Variants in NSMCE1 observed in about 807,000 individuals in gnomAD.
NSMCE1 encodes NSE1 component of SMC5/6 complex.
Under a neutral mutation model 29.6 loss-of-function variants are expected in NSMCE1, and 18 were observed. The observed-to-expected ratio is 0.61, with a 90% CI of 0.42 to 0.90. The LOEUF is 0.90. Among genes scored for constraint, NSMCE1 ranks in the 40% least tolerant of loss-of-function variants. The pLI is 0.00. For missense variants in NSMCE1, 314 were observed against 343.6 expected, an observed-to-expected ratio of 0.91 and a Z score of 0.68; for synonymous variants, 124 against 133.4, an observed-to-expected ratio of 0.93 and a Z score of 0.49.
At chr16:27,238,480 A>G (rs2083852203) in intron 2 of NSMCE1, among the ~76,000 whole-genome samples, 1 of 151,262 alleles carries the variant, frequency 6.6e-6, no homozygotes. Context: ...GACAGGAGTC[A>G]GCTGGTGACA....
intron 2 of NSMCE1, among the ~76,000 whole-genome samples, chr16:27,251,159 A>AATATATATATATATATATATATATATAT (rs1166070119): frequency 1.7e-4 from 11 of 65,774 alleles, no homozygotes; most frequent in Non-Finnish European, 2.6e-4. Context: ...AATTATTTAA[A>AATATATATATATATATATATATATATAT]ATATATATAT....
chr16:27,261,224 T>TA (rs1350403867), intron 1 of NSMCE1, among the ~76,000 whole-genome samples: 1 of 127,038 alleles, frequency 7.9e-6, no homozygotes, highest in Non-Finnish European at 1.7e-5. Flanking sequence ...CAAAGAAAGG[T>TA]AAAATGAGAA....
intron 5 of NSMCE1, among the ~76,000 whole-genome samples, chr16:27,228,256 G>A (rs2083723886): frequency 6.6e-6 from 1 of 152,186 alleles, no homozygotes; most frequent in African/African-American, 2.4e-5. Context: ...GCGTGGGGTT[G>A]GGGCATGGAC....
intron 2 of NSMCE1, among the ~76,000 whole-genome samples, chr16:27,251,083 T>C (rs1429992652): frequency 6.8e-6 from 1 of 146,980 alleles, no homozygotes; most frequent in African/African-American, 2.5e-5. Context: ...TCAGGTGATC[T>C]GCCCACCTCA....
At chr16:27,245,959 A>G (rs2083952197) in intron 2 of NSMCE1, among the ~76,000 whole-genome samples, 1 of 152,210 alleles carries the variant, frequency 6.6e-6, no homozygotes, top group Non-Finnish European at 1.5e-5. Flanking sequence ...AGGACTACAG[A>G]CAGGATGGAA....
intron 1 of NSMCE1, among the ~76,000 whole-genome samples, chr16:27,262,291 G>A (rs531242073): frequency 6.6e-5 from 10 of 150,816 alleles, no homozygotes; most frequent in Non-Finnish European, 1.2e-4. Context: ...AGCCTGAATA[G>A]CGAAAGCAAT....
chr16:27,266,298 C>T (rs1420137357), intron 1 of NSMCE1: 1 of 151,978 alleles, frequency 6.6e-6, no homozygotes, highest in Non-Finnish European at 1.5e-5. Context: ...GGATTGAATG[C>T]TATAATTTGG....
intron 1 of NSMCE1, among the ~76,000 whole-genome samples, chr16:27,264,202 A>G (rs1164894710): frequency 6.6e-6 from 1 of 152,002 alleles, no homozygotes; most frequent in African/African-American, 2.4e-5. Context: ...TGTCTCTACT[A>G]AAAACAAAAA....
chr16:27,243,729 T>C (rs974725904), intron 2 of NSMCE1, among the ~76,000 whole-genome samples: 3 of 152,188 alleles, frequency 2.0e-5, no homozygotes, highest in Non-Finnish European at 4.4e-5. Context: ...TAGCTCACTA[T>C]AGCCTTGAAC....
intron 4 of NSMCE1, 72 bp downstream of exon 4, chr16:27,234,116 A>G: frequency 1.0e-6 from 1 of 974,234 alleles, no homozygotes; most frequent in Non-Finnish European, 1.7e-6. Flanking sequence ...TGCAGTTGCC[A>G]CTGCTAATGA....
chr16:27,234,386 C>A, intron 3 of NSMCE1, 121 bp from the exon 4 acceptor site: 1 of 738,208 alleles, frequency 1.4e-6, no homozygotes, highest in Admixed American at 1.9e-5. Context: ...TGTATCCAGG[C>A]ACTGCGGGCC....
intron 2 of NSMCE1, among the ~76,000 whole-genome samples, chr16:27,250,775 T>G (rs2084018277): frequency 6.6e-6 from 1 of 151,680 alleles, no homozygotes; most frequent in Admixed American, 6.6e-5. Context: ...CCTGGGAGGC[T>G]TTTTTGAGAC....
chr16:27,257,388 AT>A (rs1260587736), intron 2 of NSMCE1, 46 bp downstream of exon 2: 2 of 1,545,358 alleles, frequency 1.3e-6, no homozygotes, highest in South Asian at 2.4e-5. Flanking sequence ...CTGGTCCCTG[AT>A]CAACACAGCA....
chr16:27,265,261 G>A (rs370015684), intron 1 of NSMCE1, among the ~76,000 whole-genome samples: 1 of 139,668 alleles, frequency 7.2e-6, no homozygotes, highest in African/African-American at 2.6e-5. Flanking sequence ...TTGACCTTGT[G>A]GGCTCAATCG....
chr16:27,226,973 ACGGGCATCAGCCAC>A, intron 5 of NSMCE1, 137 bp from the exon 6 acceptor site: 1 of 642,170 alleles, frequency 1.6e-6, no homozygotes. Flanking sequence ...ACCCCAGCCA[ACGGGCATCAGCCAC>A]ATCCCCCTGG....
intron 1 of NSMCE1, among the ~76,000 whole-genome samples, chr16:27,263,162 A>T (rs974454905): frequency 2.0e-5 from 3 of 152,234 alleles, no homozygotes; most frequent in African/African-American, 7.2e-5. Flanking sequence ...CTAAAAGCAG[A>T]ACTACCATTT....
At chr16:27,229,454 A>G (rs961362159) in intron 5 of NSMCE1, among the ~76,000 whole-genome samples, 2 of 152,238 alleles carry the variant, frequency 1.3e-5, no homozygotes, top group African/African-American at 4.8e-5. Flanking sequence ...TGTGGGGCCC[A>G]GCACTTGGCA....
chr16:27,225,796 G>A lies in NSMCE1; in HGVS notation c.651C>T (p.Ala217=). 6.2e-7 allele frequency: 1 copy of A among 1,614,114 alleles called. No homozygotes were observed. ...CGIRMHLPCV[A]KYFQSNAEPR... ...GTTCAGCATTCGACTGGAAGTACTTGGCCACGCAGGGTAAGTGCATCCTGA... is the reference window on the plus strand; with the variant it reads ...GTTCAGCATTCGACTGGAAGTACTTAGCCACGCAGGGTAAGTGCATCCTGA... The change falls in exon 7 of 8, where the codon GCC becomes GCT. Residue 217 remains alanine (A), a synonymous_variant. Coordinates refer to ENST00000361439, the MANE Select transcript of NSMCE1 (RefSeq NM_145080.4).
chr16:27,267,940 A>G (rs1252511025), intron 1 of NSMCE1, among the ~76,000 whole-genome samples: 1 of 152,058 alleles, frequency 6.6e-6, no homozygotes, highest in Non-Finnish European at 1.5e-5. Flanking sequence ...ACAGGGTTTC[A>G]CCATATTAGC....
Sources: gnomAD v4.1 joint callset for allele counts (sites outside exome capture counted in the v4.1 genomes callset) on GRCh38, gnomAD v4.1.1 for gene constraint, MANE v1.5 for transcripts, NCBI Gene and HGNC (gene_info 2026-07-23, HGNC 2026-07-21) for gene names.